VAV3: variants seen among roughly 807,000 people sequenced by gnomAD.
VAV3 encodes the protein vav guanine nucleotide exchange factor 3.
In VAV3, 94 loss-of-function variants were observed where a neutral mutation model predicts 131.2. The ratio of observed to expected loss-of-function variants is 0.72; its 90% CI spans 0.61 to 0.85. VAV3 has a LOEUF of 0.85. Ranked by LOEUF, VAV3 falls within the 40% of genes least tolerant of loss-of-function variation. VAV3 has a pLI of 0.00. For synonymous variants in VAV3, 349 were observed against 342.0 expected (o/e 1.02, Z -0.22); for missense variants, 939 against 1,002.7 (o/e 0.94, Z 0.86).
intron 19 of VAV3, chr1:107,669,483 C>A: frequency 7.8e-7 from 1 of 1,282,340 alleles, no homozygotes; most frequent in East Asian, 5.6e-5. Flanking sequence ...CTAATAAAGA[C>A]AAGAAAGAAA....
intron 19 of VAV3, among the ~76,000 whole-genome samples, chr1:107,653,284 A>G (rs1656309196): frequency 6.6e-6 from 1 of 151,858 alleles, no homozygotes; most frequent in Non-Finnish European, 1.5e-5. Flanking sequence ...GAGAACAACT[A>G]TCAACATATC....
chr1:107,755,684 T>C (rs1179753763), intron 11 of VAV3, among the ~76,000 whole-genome samples, 171 bp from the exon 12 acceptor site: 1 of 152,120 alleles, frequency 6.6e-6, no homozygotes, highest in Non-Finnish European at 1.5e-5. Context: ...ACAGAGGCAA[T>C]TTTAAAATGT....
chr1:107,755,385 T>G, intron 12 of VAV3, 42 bp downstream of exon 12: 2 of 1,365,378 alleles, frequency 1.5e-6, no homozygotes, highest in Non-Finnish European at 2.1e-6. Context: ...ATGTCGTTGA[T>G]GTGGGGGTGA....
intron 20 of VAV3, among the ~76,000 whole-genome samples, chr1:107,624,566 C>T (rs1259628759): frequency 6.6e-6 from 1 of 152,024 alleles, no homozygotes; most frequent in Non-Finnish European, 1.5e-5. Flanking sequence ...AGCCATATAA[C>T]CCAAAACCAA....
At chr1:107,733,969 G>A (rs1431523980) in intron 15 of VAV3, among the ~76,000 whole-genome samples, 1 of 152,160 alleles carries the variant, frequency 6.6e-6, no homozygotes, top group East Asian at 1.9e-4. Flanking sequence ...AGAAAGGTCA[G>A]GTTACCCACA....
intron 1 of VAV3, among the ~76,000 whole-genome samples, chr1:107,877,882 G>A (rs937414954): frequency 1.3e-5 from 2 of 152,028 alleles, no homozygotes; most frequent in African/African-American, 4.8e-5. Context: ...TATTCACTAG[G>A]CTCACACTTC....
At chr1:107,835,226 G>A (rs539374964) in intron 2 of VAV3, among the ~76,000 whole-genome samples, 79 of 152,250 alleles carry the variant, frequency 5.2e-4, no homozygotes, top group Non-Finnish European at 5.9e-5. Context: ...CACCGCACAG[G>A]TTCCATTACC....
chr1:107,580,146 A>G (rs1346688341), intron 25 of VAV3, among the ~76,000 whole-genome samples: 2 of 152,126 alleles, frequency 1.3e-5, no homozygotes, highest in Non-Finnish European at 2.9e-5. Flanking sequence ...CAGTTCTAAT[A>G]TTGCTTCTGC....
chr1:107,596,723 C>A (rs1024964703), intron 24 of VAV3, among the ~76,000 whole-genome samples: 1 of 152,158 alleles, frequency 6.6e-6, no homozygotes, highest in African/African-American at 2.4e-5. Context: ...CAGCTGCTTG[C>A]TGAATATACA....
chr1:107,919,915 AT>A (rs1436088470), intron 1 of VAV3, among the ~76,000 whole-genome samples: 2 of 152,312 alleles, frequency 1.3e-5, no homozygotes, highest in African/African-American at 4.8e-5. Context: ...CTTAAAAAAA[AT>A]GAAAGAGAAA....
intron 21 of VAV3, among the ~76,000 whole-genome samples, chr1:107,611,905 C>T (rs1652764554): frequency 6.6e-6 from 1 of 152,092 alleles, no homozygotes; most frequent in South Asian, 2.1e-4. Flanking sequence ...AGGCCCTCTG[C>T]ACTTTCTTCT....
chr1:107,650,358 C>T (rs989097002), intron 19 of VAV3, among the ~76,000 whole-genome samples: 3 of 151,762 alleles, frequency 2.0e-5, no homozygotes, highest in African/African-American at 7.3e-5. Context: ...TCAGCTCATC[C>T]ACCAACCCAA....
intron 1 of VAV3, among the ~76,000 whole-genome samples, chr1:107,953,802 A>AGGCACT (rs144949057): frequency 0.031 from 4,728 of 152,260 alleles, 238 homozygotes; most frequent in African/African-American, 0.11. Context: ...ATTTTAAGAC[A>AGGCACT]GGCACTCTGA....
intron 25 of VAV3, among the ~76,000 whole-genome samples, chr1:107,588,071 T>C (rs1462308738): frequency 6.6e-6 from 1 of 152,230 alleles, no homozygotes; most frequent in Non-Finnish European, 1.5e-5. Flanking sequence ...CAAGCCATAT[T>C]CTGAAGGGAT....
rs549855647 is a variant in VAV3 at position 107,716,745 on chromosome 1, G to A, written c.1503-11684C>T. ...CAGGCTTTGGTATCAGGATGATGCT[G>A]GCCTCATAAAATGAGTTAGGGAGGA... On this transcript the variant is annotated intron_variant, in intron 15 of 26. Transcript: ENST00000370056. Among the ~76,000 whole-genome samples the A allele has an allele frequency of 3.9e-5, 6 of 152,220 alleles. No individual in the cohort carries two copies. The South Asian group carries it at 1.2e-3, about 32-fold the overall frequency.
chr1:107,667,775 C>T (rs1321066614), intron 19 of VAV3, among the ~76,000 whole-genome samples: 1 of 152,098 alleles, frequency 6.6e-6, no homozygotes, highest in Admixed American at 6.6e-5. Flanking sequence ...AGTTTGGGGT[C>T]ATTTCCTGAT....
At chr1:107,922,643 A>T (rs1432995650) in intron 1 of VAV3, among the ~76,000 whole-genome samples, 1 of 152,182 alleles carries the variant, frequency 6.6e-6, no homozygotes, top group Non-Finnish European at 1.5e-5. Flanking sequence ...CATGTACAAT[A>T]AATTGCACAT....
intron 21 of VAV3, among the ~76,000 whole-genome samples, chr1:107,616,549 C>A (rs1332957373): frequency 6.6e-6 from 1 of 151,972 alleles, no homozygotes; most frequent in Non-Finnish European, 1.5e-5. Context: ...TGCAATTTAC[C>A]CAAATAATAA....
intron 1 of VAV3, among the ~76,000 whole-genome samples, chr1:107,930,919 G>A (rs1673403190): frequency 6.6e-6 from 1 of 152,046 alleles, no homozygotes; most frequent in South Asian, 2.1e-4. Flanking sequence ...TCAATTTTAA[G>A]GTATTATAAT....
Sources: gnomAD v4.1 joint callset for allele counts (sites outside exome capture counted in the v4.1 genomes callset) on GRCh38, gnomAD v4.1.1 for gene constraint, MANE v1.5 for transcripts, NCBI Gene and HGNC (gene_info 2026-07-23, HGNC 2026-07-21) for gene names.